RBFOX1: variants seen among roughly 807,000 people sequenced by gnomAD.
The protein encoded by RBFOX1 is RNA binding fox-1 homolog 1.
RBFOX1 carries 8 observed loss-of-function variants against 57.7 expected under a neutral mutation model. The observed-to-expected ratio is 0.14, with a 90% CI of 0.08 to 0.25. The LOEUF is 0.25. Among genes scored for constraint, RBFOX1 ranks in the 10% least tolerant of loss-of-function variants. RBFOX1 has a pLI of 1.00. For missense variants in RBFOX1, 611 were observed against 548.5 expected (o/e 1.11, Z -1.14); for synonymous variants, 326 against 222.4 (o/e 1.47, Z -4.15).
chr16:7,629,905 G>A (rs539927131), intron 10 of RBFOX1, among the ~76,000 whole-genome samples: 5 of 152,346 alleles, frequency 3.3e-5, no homozygotes, highest in South Asian at 4.1e-4. Context: ...TACAGAAGCC[G>A]AAGATTCTCT....
At chr16:6,715,120 G>C (rs930022534) in intron 3 of RBFOX1, among the ~76,000 whole-genome samples, 5 of 152,086 alleles carry the variant, frequency 3.3e-5, no homozygotes, top group African/African-American at 1.2e-4. Flanking sequence ...GTCAAGATTT[G>C]CCACTTGGGA....
intron 2 of RBFOX1, among the ~76,000 whole-genome samples, chr16:6,528,636 G>A (rs148807509): frequency 1.9e-3 from 297 of 152,326 alleles, no homozygotes; most frequent in African/African-American, 6.6e-3. Context: ...TGAACCAGCT[G>A]TGGGCAGGGG....
At chr16:6,945,877 C>A (rs1598033187) in intron 3 of RBFOX1, among the ~76,000 whole-genome samples, 1 of 152,184 alleles carries the variant, frequency 6.6e-6, no homozygotes, top group Non-Finnish European at 1.5e-5. Flanking sequence ...GGTGACAGAG[C>A]AAGACTCTCG....
At chr16:5,372,146 G>A (rs1235040539) in intron 1 of RBFOX1, among the ~76,000 whole-genome samples, 1 of 152,212 alleles carries the variant, frequency 6.6e-6, no homozygotes, top group Non-Finnish European at 1.5e-5. Flanking sequence ...TTCTTGAACT[G>A]CCTTTGAAGG....
At position 7,403,424 on chromosome 16, in the gene RBFOX1, T is replaced by C. The variant is rs146316196; in HGVS notation, c.28-114723T>C. ...GCCTCTGGCAACCACTCTTCTCCTGTCTGTCTATTCCTACGAATTTGAGTG... is the reference window on the plus strand; with the variant it reads ...GCCTCTGGCAACCACTCTTCTCCTGCCTGTCTATTCCTACGAATTTGAGTG... On this transcript the variant is annotated intron_variant, in intron 4 of 15. Transcript: ENST00000550418. 6.8e-4 allele frequency among the ~76,000 whole-genome samples: 103 copies of C among 152,328 alleles called. 1 individual carries two copies. In the East Asian group the frequency reaches 0.019, roughly 29 times the overall value.
chr16:6,794,017 G>C (rs1422775131), intron 3 of RBFOX1, among the ~76,000 whole-genome samples: 2 of 152,094 alleles, frequency 1.3e-5, no homozygotes, highest in East Asian at 3.9e-4. Context: ...TATTGGTTAG[G>C]TAATGAAGCA....
intron 4 of RBFOX1, among the ~76,000 whole-genome samples, chr16:5,938,642 C>T (rs763392733): frequency 2.0e-5 from 3 of 152,108 alleles, no homozygotes; most frequent in African/African-American, 7.2e-5. Context: ...ACAGACCTGA[C>T]TTTGCAATTT....
intron 4 of RBFOX1, among the ~76,000 whole-genome samples, chr16:7,505,200 C>T (rs1029907504): frequency 6.0e-5 from 9 of 150,334 alleles, no homozygotes; most frequent in East Asian, 3.9e-4. Context: ...TGTGTGTGCA[C>T]CTCAGACACT....
At chr16:7,134,488 A>G (rs2071367841) in intron 4 of RBFOX1, among the ~76,000 whole-genome samples, 1 of 152,178 alleles carries the variant, frequency 6.6e-6, no homozygotes, top group African/African-American at 2.4e-5. Context: ...CAGTCATTTG[A>G]TCGTATTGCT....
At chr16:6,191,512 G>C (rs145591685) in intron 1 of RBFOX1, among the ~76,000 whole-genome samples, 1 of 152,182 alleles carries the variant, frequency 6.6e-6, no homozygotes, top group East Asian at 1.9e-4. Flanking sequence ...TACAACTGCC[G>C]TGTATCTCAA....
At chr16:7,654,395 G>T (rs1402852213) in intron 12 of RBFOX1, among the ~76,000 whole-genome samples, 4 of 152,136 alleles carry the variant, frequency 2.6e-5, no homozygotes, top group African/African-American at 9.7e-5. Context: ...TTGGCTTCAA[G>T]GGTCACGAAC....
At chr16:5,496,432 T>G (rs1253919099) in intron 2 of RBFOX1, among the ~76,000 whole-genome samples, 1 of 152,128 alleles carries the variant, frequency 6.6e-6, no homozygotes, top group Non-Finnish European at 1.5e-5. Context: ...CTATTCAGCT[T>G]CATCTCGAAT....
intron 3 of RBFOX1, among the ~76,000 whole-genome samples, chr16:5,663,456 C>T (rs1487738318): frequency 1.3e-5 from 2 of 151,910 alleles, no homozygotes; most frequent in Non-Finnish European, 2.9e-5. Flanking sequence ...CCTCCCACTT[C>T]AGCCCCCGAA....
chr16:6,529,500 A>C (rs759458386), intron 2 of RBFOX1, among the ~76,000 whole-genome samples: 48 of 152,040 alleles, frequency 3.2e-4, no homozygotes, highest in Non-Finnish European at 6.3e-4. Flanking sequence ...CAGAGGTTGC[A>C]GTAAGTCGAC....
At chr16:6,007,651 A>C (rs2094935331) in intron 4 of RBFOX1, among the ~76,000 whole-genome samples, 1 of 152,184 alleles carries the variant, frequency 6.6e-6, no homozygotes, top group Non-Finnish European at 1.5e-5. Flanking sequence ...TTTTGTTTCC[A>C]CTTTAGTTTG....
At chr16:6,511,622 C>T (rs1473627168) in intron 2 of RBFOX1, among the ~76,000 whole-genome samples, 2 of 152,110 alleles carry the variant, frequency 1.3e-5, no homozygotes, top group Admixed American at 1.3e-4. Flanking sequence ...TTAGAATGAG[C>T]GCCAAAGAGG....
rs532665988 is a variant in RBFOX1, at chr16:6,951,385, A to C, written c.-15-100672A>C. 3.3e-5 allele frequency among the ~76,000 whole-genome samples: 5 copies of C among 152,266 alleles called. 1 individual carries two copies. Among genetic ancestry groups the C allele is most frequent in the African/African-American group, 1.2e-4 (5 of 41,552 alleles). On this transcript the variant is annotated intron_variant, in intron 3 of 15. Transcript: ENST00000550418. ...CTACCAAATAAATCACCCTAGTATA[A>C]TGGCTTAAAACAATAACGTACATTT...
rs143063126 is a variant in RBFOX1, at chr16:5,379,845, A to G, written c.220-87371A>G. On this transcript the variant is annotated intron_variant, in intron 1 of 2. Transcript: ENST00000585867. Reference sequence around the variant, plus strand: ...CATTTCAGGGTTTTGATAGTACCCAAGTCATTAAACATCTCTTCTGGGTCA... The same window carrying G: ...CATTTCAGGGTTTTGATAGTACCCAGGTCATTAAACATCTCTTCTGGGTCA... Among the ~76,000 whole-genome samples the G allele has an allele frequency of 3.0e-4, 46 of 152,310 alleles. 1 individual carries two copies. The highest frequency in any genetic ancestry group is 8.3e-4 in the South Asian group (4 of 4,820).
chr16:5,244,365 C>T (rs185361937), intron 1 of RBFOX1, among the ~76,000 whole-genome samples: 85 of 152,296 alleles, frequency 5.6e-4, no homozygotes, highest in African/African-American at 1.8e-3. Context: ...GCTTTCTGCA[C>T]AAGACTTGCC....
Sources: allele counts gnomAD v4.1 joint callset (sites outside exome capture counted in the v4.1 genomes callset), GRCh38; gene constraint gnomAD v4.1.1; transcripts MANE v1.5; gene names NCBI Gene and HGNC (gene_info 2026-07-23, HGNC 2026-07-21).